Variants in VDAC1 observed in about 807,000 individuals in gnomAD.
VDAC1 encodes the protein non-selective voltage-gated ion channel VDAC1.
A neutral mutation model predicts 34.7 loss-of-function variants in VDAC1; 10 were observed. The observed-to-expected ratio is 0.29, with a 90% CI of 0.18 to 0.49. The LOEUF is 0.49. Among genes scored for constraint, VDAC1 ranks in the 20% least tolerant of loss-of-function variants. VDAC1 has a pLI of 0.99. For missense variants in VDAC1, 230 were observed against 347.9 expected (o/e 0.66, Z 2.69); for synonymous variants, 130 against 136.0 (o/e 0.96, Z 0.30).
chr5:133,985,945 CCACT>C (rs760122919), intron 5 of VDAC1, among the ~76,000 whole-genome samples: 2 of 152,216 alleles, frequency 1.3e-5, no homozygotes, highest in Non-Finnish European at 1.5e-5. Flanking sequence ...GCACCCCCAC[CCACT>C]GTCTCACTGG....
chr5:134,101,839 C>A, the VDAC1 span, among the ~76,000 whole-genome samples: 1 of 152,232 alleles, frequency 6.6e-6, no homozygotes, highest in Admixed American at 6.5e-5. Flanking sequence ...TTCAGAACTG[C>A]TGAGCAGCTG....
chr5:134,044,054 C>G, the VDAC1 span, among the ~76,000 whole-genome samples: 1 of 152,178 alleles, frequency 6.6e-6, no homozygotes. Context: ...CAGACTGCGA[C>G]TCAAACCAAG....
At chr5:133,973,893 C>G in intron 7 of VDAC1, 45 bp from the exon 8 acceptor site, 1 of 1,569,938 alleles carries the variant, frequency 6.4e-7, no homozygotes, top group Admixed American at 2.0e-5. Flanking sequence ...AAGTATAATA[C>G]TTTGCACTTC....
At chr5:134,111,182 C>T in the VDAC1 span, among the ~76,000 whole-genome samples, 10 of 152,262 alleles carry the variant, frequency 6.6e-5, no homozygotes, top group East Asian at 5.8e-4. Flanking sequence ...GTAAGTGGCA[C>T]GGCAGAGATG....
At chr5:134,003,095 G>T (rs1753623682) in intron 1 of VDAC1, among the ~76,000 whole-genome samples, 1 of 149,884 alleles carries the variant, frequency 6.7e-6, no homozygotes, top group African/African-American at 2.4e-5. Context: ...GTAAAACTCT[G>T]TCAGTAAAGA....
At chr5:134,001,097 T>C (rs749773954) in intron 1 of VDAC1, among the ~76,000 whole-genome samples, 5 of 152,340 alleles carry the variant, frequency 3.3e-5, no homozygotes, top group Middle Eastern at 3.4e-3. Context: ...GGAAAAATAA[T>C]GTCTCCCATC....
chr5:133,976,025 C>A lies in VDAC1; in HGVS notation c.552-4G>T, dbSNP rs1561581032. On this transcript the variant is annotated splice_polypyrimidine_tract_variant and splice_region_variant and intron_variant, in intron 6 of 8. Coordinates refer to ENST00000265333, the MANE Select transcript of VDAC1 (RefSeq NM_003374.3). ...GCCAAACTCTGTCCCGTCATTCCTG[C>A]AAACAAGCACAGGACAGATGCTGAG... 6.2e-7 allele frequency: 1 copy of A among 1,614,136 alleles called. No individual in the cohort carries two copies. The highest frequency in any genetic ancestry group is 8.5e-7 in the Non-Finnish European group (1 of 1,179,992).
At chr5:134,014,247 G>A in the VDAC1 span, among the ~76,000 whole-genome samples, 1 of 151,908 alleles carries the variant, frequency 6.6e-6, no homozygotes, top group Non-Finnish European at 1.5e-5. Flanking sequence ...TCGAGATCGT[G>A]CCACCACACT....
Position 133,991,102 on chromosome 5 carries a change from C to G in VDAC1, c.170G>C (p.Ser57Thr). Reference sequence around the variant, plus strand: ...AGTCCATCTGTACTTGGTTTCCAGACTGCCCGTCACTTTGGTGGTCTCAGT... The same window carrying G: ...AGTCCATCTGTACTTGGTTTCCAGAGTGCCCGTCACTTTGGTGGTCTCAGT... ...ANTETTKVTG[S>T]LETKYRWTEY... Residue 57 changes from serine (S) to threonine (T), a missense_variant, in exon 4 of 9, where the codon AGT (serine) becomes ACT (threonine). Transcript: ENST00000265333. The G allele has an allele frequency of 6.2e-7, 1 of 1,613,826 alleles. No individual in the cohort carries two copies. The highest frequency in any genetic ancestry group is 1.1e-5 in the South Asian group (1 of 91,090).
At chr5:134,007,711 C>G (rs192207335), upstream of VDAC1, among the ~76,000 whole-genome samples, 1 of 152,318 alleles carries the variant, frequency 6.6e-6, no homozygotes, top group Non-Finnish European at 1.5e-5. Flanking sequence ...TTGGGGAGAC[C>G]TGGGTCTGGC....
the VDAC1 span, among the ~76,000 whole-genome samples, chr5:134,078,743 T>C: frequency 7.1e-6 from 1 of 141,834 alleles, no homozygotes. Flanking sequence ...CTCCACCTCC[T>C]GGGTTCAAGC....
chr5:134,020,001 G>A, the VDAC1 span, among the ~76,000 whole-genome samples: 3 of 152,004 alleles, frequency 2.0e-5, no homozygotes, highest in African/African-American at 4.8e-5. Flanking sequence ...GCTCGCAAGC[G>A]TCCCTGCCTT....
chr5:134,034,000 A>G, the VDAC1 span, among the ~76,000 whole-genome samples: 11 of 151,944 alleles, frequency 7.2e-5, no homozygotes, highest in East Asian at 3.9e-4. Context: ...TCAAAAAAAA[A>G]AGAAAAGAAC....
At chr5:134,059,137 G>A in the VDAC1 span, among the ~76,000 whole-genome samples, 1 of 152,182 alleles carries the variant, frequency 6.6e-6, no homozygotes, top group Admixed American at 6.5e-5. Context: ...CCTATGGGGT[G>A]GCAACGCTGG....
chr5:134,015,880 T>C, the VDAC1 span, among the ~76,000 whole-genome samples: 21 of 152,246 alleles, frequency 1.4e-4, no homozygotes, highest in African/African-American at 5.1e-4. Flanking sequence ...CCTGACCTTG[T>C]GATCTGCCTG....
intron 1 of VDAC1, among the ~76,000 whole-genome samples, chr5:133,993,253 C>T (rs902101959): frequency 6.6e-6 from 1 of 152,196 alleles, no homozygotes; most frequent in Admixed American, 6.5e-5. Flanking sequence ...ACAATTTAGA[C>T]CTCTCCTCCT....
At position 134,000,117 on chromosome 5, in the gene VDAC1, G is replaced by GCA. The variant is rs142880571; in HGVS notation, c.-7+4776_-7+4777dup. Among the ~76,000 whole-genome samples the GCA allele has an allele frequency of 4.2e-3, 635 of 151,928 alleles. 5 individuals are homozygous for GCA. Among genetic ancestry groups the GCA allele is most frequent in the African/African-American group, 0.015 (614 of 41,452 alleles). On this transcript the variant is annotated intron_variant, in intron 1 of 8. Coordinates refer to ENST00000265333, the MANE Select transcript of VDAC1 (RefSeq NM_003374.3). Reference sequence around the variant, plus strand: ...AGCTCGCTCACACACATGCACGCATGCACACACACACACTCCAGCACTTTC... The same window carrying GCA: ...AGCTCGCTCACACACATGCACGCATGCACACACACACACACTCCAGCACTTTC...
At chr5:133,994,261 C>G (rs1259484277) in intron 1 of VDAC1, among the ~76,000 whole-genome samples, 2 of 152,188 alleles carry the variant, frequency 1.3e-5, no homozygotes, top group African/African-American at 4.8e-5. Flanking sequence ...GTAAAAGAAA[C>G]AGTATAAACT....
chr5:133,980,785 G>A lies in VDAC1; in HGVS notation c.495C>T (p.Thr165=), dbSNP rs374248893. The A allele has an allele frequency of 1.2e-6, 2 of 1,610,520 alleles. No homozygotes were observed. The highest frequency in any genetic ancestry group is 1.7e-5 in the Admixed American group (1 of 59,602). Reference sequence around the variant, plus strand: ...TGTAGCCAACTGCAAAGTTGCTCTGGGTCACTCGGGATTTTGCAGTCTCAA... The same window carrying A: ...TGTAGCCAACTGCAAAGTTGCTCTGAGTCACTCGGGATTTTGCAGTCTCAA... ...MNFETAKSRV[T]QSNFAVGYKT... Residue 165 remains threonine, a synonymous_variant, in exon 6 of 9, where the codon ACC becomes ACT. Coordinates refer to ENST00000265333, the MANE Select transcript of VDAC1 (RefSeq NM_003374.3).
Sources: gnomAD v4.1 joint callset for allele counts (sites outside exome capture counted in the v4.1 genomes callset) on GRCh38, gnomAD v4.1.1 for gene constraint, MANE v1.5 for transcripts, NCBI Gene and HGNC (gene_info 2026-07-23, HGNC 2026-07-21) for gene names.